USP12: variants seen among roughly 807,000 people sequenced by gnomAD.
USP12 encodes ubiquitin carboxyl-terminal hydrolase 12.
Under a neutral mutation model 45.5 loss-of-function variants are expected in USP12, and 19 were observed. The observed-to-expected ratio is 0.42, with a 90% CI of 0.29 to 0.61. The LOEUF (loss-of-function observed/expected upper bound fraction) is 0.61, where lower values mean the gene tolerates loss of function less well. Among genes scored for constraint, USP12 ranks in the 20% least tolerant of loss-of-function variants. USP12 has a pLI of 0.22. For synonymous variants in USP12, 149 were observed against 148.8 expected, an observed-to-expected ratio of 1.00 and a Z score of -0.01; for missense variants, 242 against 447.7, an observed-to-expected ratio of 0.54 and a Z score of 4.15.
intron 1 of USP12, among the ~76,000 whole-genome samples, chr13:27,131,688 A>G (rs1052916097): frequency 1.3e-5 from 2 of 152,334 alleles, no homozygotes; most frequent in Admixed American, 1.3e-4. Context: ...TATGCTTTGT[A>G]TAAAACCTTT....
intron 2 of USP12, among the ~76,000 whole-genome samples, chr13:27,107,693 G>T (rs566379340): frequency 2.0e-5 from 3 of 152,180 alleles, no homozygotes; most frequent in African/African-American, 4.8e-5. Flanking sequence ...ACACCTTGAA[G>T]ATATGGCTGA....
intron 6 of USP12, among the ~76,000 whole-genome samples, chr13:27,087,126 T>G (rs935813918): frequency 6.7e-6 from 1 of 148,226 alleles, no homozygotes; most frequent in Non-Finnish European, 1.5e-5. Context: ...TGTGTGTGCG[T>G]GTGTGAGAGT....
chr13:27,159,096 A>G (rs1034941726), intron 1 of USP12, among the ~76,000 whole-genome samples: 2 of 152,190 alleles, frequency 1.3e-5, no homozygotes, highest in African/African-American at 2.4e-5. Context: ...AACTCACACA[A>G]TTTTGCAGTT....
At chr13:27,124,273 G>C (rs1041226615) in intron 1 of USP12, among the ~76,000 whole-genome samples, 1 of 152,060 alleles carries the variant, frequency 6.6e-6, no homozygotes, top group Non-Finnish European at 1.5e-5. Context: ...AAAATCTCCT[G>C]GCCCACAATA....
intron 6 of USP12, among the ~76,000 whole-genome samples, chr13:27,080,364 A>C (rs1873693861): frequency 6.6e-6 from 1 of 152,218 alleles, no homozygotes; most frequent in Non-Finnish European, 1.5e-5. Flanking sequence ...ATATGGATCT[A>C]GTTAGGAAAA....
At chr13:27,141,201 A>G (rs1877038372) in intron 1 of USP12, among the ~76,000 whole-genome samples, 1 of 151,952 alleles carries the variant, frequency 6.6e-6, no homozygotes. Context: ...TTTTTAGTGG[A>G]GACAGGTTTC....
intron 1 of USP12, among the ~76,000 whole-genome samples, chr13:27,151,858 C>T (rs1243056769): frequency 6.6e-6 from 1 of 152,140 alleles, no homozygotes; most frequent in Admixed American, 6.6e-5. Flanking sequence ...AGATATTTTT[C>T]CACAGAAGAT....
rs539314330 is a variant in USP12, at chr13:27,110,933, C to T, written c.130-4989G>A. Among the ~76,000 whole-genome samples the T allele has an allele frequency of 2.2e-4, 33 of 151,990 alleles. No homozygotes were observed. The East Asian group carries it at 6.2e-3, about 29-fold the overall frequency. On this transcript the variant is annotated intron_variant, in intron 2 of 8. Transcript: ENST00000282344. The stretch of plus-strand genomic sequence containing the variant: ...GCAAAAGAGATCATCTCCAAGTATA[C>T]CAGAAATATTATGATAATGAGGATT...
At chr13:27,145,222 A>G (rs1230517263) in intron 1 of USP12, among the ~76,000 whole-genome samples, 2 of 152,222 alleles carry the variant, frequency 1.3e-5, no homozygotes, top group East Asian at 3.9e-4. Context: ...TTCTTGAAGA[A>G]TGACAGGTGG....
chr13:27,161,926 A>C (rs1242732802), intron 1 of USP12, among the ~76,000 whole-genome samples: 1 of 152,054 alleles, frequency 6.6e-6, no homozygotes, highest in African/African-American at 2.4e-5. Flanking sequence ...CCACTCATTA[A>C]CTGTACATTT....
intron 1 of USP12, among the ~76,000 whole-genome samples, chr13:27,125,071 G>A (rs1876163195): frequency 6.6e-6 from 1 of 152,150 alleles, no homozygotes; most frequent in Admixed American, 6.5e-5. Flanking sequence ...TGAGGTCTTT[G>A]CAGTGGACCA....
intron 1 of USP12, among the ~76,000 whole-genome samples, chr13:27,142,634 A>C (rs568084995): frequency 6.6e-6 from 1 of 152,266 alleles, no homozygotes; most frequent in Non-Finnish European, 1.5e-5. Context: ...TATTCTTGCA[A>C]TTTTTCTGTA....
intron 1 of USP12, among the ~76,000 whole-genome samples, chr13:27,160,023 CAGG>C (rs1160302439): frequency 1.3e-5 from 2 of 152,164 alleles, no homozygotes; most frequent in Admixed American, 6.5e-5. Flanking sequence ...GAACACTTGG[CAGG>C]AGGAGTAACC....
At chr13:27,109,021 T>C (rs781228240) in intron 2 of USP12, among the ~76,000 whole-genome samples, 1 of 152,198 alleles carries the variant, frequency 6.6e-6, no homozygotes, top group Non-Finnish European at 1.5e-5. Flanking sequence ...TTAGTCTCCA[T>C]TGACAATTGC....
At chr13:27,100,474 T>A (rs915574427) in intron 3 of USP12, among the ~76,000 whole-genome samples, 1 of 152,182 alleles carries the variant, frequency 6.6e-6, no homozygotes, top group Non-Finnish European at 1.5e-5. Flanking sequence ...AGCCATACTA[T>A]GACCCTCAAC....
chr13:27,099,670 A>G (rs1593183460), intron 3 of USP12, among the ~76,000 whole-genome samples: 1 of 95,352 alleles, frequency 1.0e-5, no homozygotes, highest in Non-Finnish European at 2.1e-5. Context: ...CTTGCATTAC[A>G]TGGTAAAATT....
chr13:27,147,355 T>C (rs780772495), intron 1 of USP12, among the ~76,000 whole-genome samples: 1 of 152,188 alleles, frequency 6.6e-6, no homozygotes, highest in Non-Finnish European at 1.5e-5. Flanking sequence ...ATGTCTTCTA[T>C]GAGAATGCTT....
chr13:27,148,815 A>ACACACACAC (rs1232624646), intron 1 of USP12, among the ~76,000 whole-genome samples: 2 of 12,568 alleles, frequency 1.6e-4, no homozygotes, highest in African/African-American at 4.8e-4. Context: ...CACACACACA[A>ACACACACAC]AAATCAGGTG....
intron 4 of USP12, among the ~76,000 whole-genome samples, chr13:27,094,216 G>A (rs1395962175): frequency 6.6e-6 from 1 of 151,516 alleles, no homozygotes; most frequent in Non-Finnish European, 1.5e-5. Context: ...ATAAAGTGGA[G>A]AAACTGGCCC....
Sources: allele counts gnomAD v4.1 joint callset (sites outside exome capture counted in the v4.1 genomes callset), GRCh38; gene constraint gnomAD v4.1.1; transcripts MANE v1.5; gene names NCBI Gene and HGNC (gene_info 2026-07-23, HGNC 2026-07-21).